SULF2: variants seen among roughly 807,000 people sequenced by gnomAD.
SULF2 encodes sulfatase 2, also known as extracellular sulfatase Sulf-2.
A neutral mutation model predicts 107.7 loss-of-function variants in SULF2; 52 were observed. The observed-to-expected ratio is 0.48, with a 90% CI of 0.39 to 0.61. The LOEUF is 0.61. SULF2 is among the 20% of genes least tolerant of loss of function. The pLI is 0.00. For missense variants in SULF2, 993 were observed against 1,177.3 expected, an observed-to-expected ratio of 0.84 and a Z score of 2.29; for synonymous variants, 460 against 464.3, an observed-to-expected ratio of 0.99 and a Z score of 0.12.
At chr20:47,715,773 G>A (rs2089098730) in intron 3 of SULF2, among the ~76,000 whole-genome samples, 1 of 152,114 alleles carries the variant, frequency 6.6e-6, no homozygotes, top group African/African-American at 2.4e-5. Flanking sequence ...GTAGAGACAG[G>A]GTTTCACCAT....
At chr20:47,733,794 T>A (rs2089670009) in intron 3 of SULF2, among the ~76,000 whole-genome samples, 2 of 152,136 alleles carry the variant, frequency 1.3e-5, no homozygotes. Flanking sequence ...AAAAGAGATG[T>A]AACATAACAG....
At chr20:47,712,547 C>T (rs1478711752) in intron 3 of SULF2, among the ~76,000 whole-genome samples, 4 of 152,210 alleles carry the variant, frequency 2.6e-5, no homozygotes, top group Non-Finnish European at 5.9e-5. Flanking sequence ...AGGCAGGAGC[C>T]GTGCTGCACT....
At chr20:47,723,537 G>A (rs1260652601) in intron 3 of SULF2, among the ~76,000 whole-genome samples, 3 of 152,206 alleles carry the variant, frequency 2.0e-5, no homozygotes, top group East Asian at 1.9e-4. Context: ...AGTGGCAGGC[G>A]AGTGAGCAAA....
chr20:47,673,807 C>T (rs1005900872), intron 10 of SULF2, among the ~76,000 whole-genome samples: 5 of 152,220 alleles, frequency 3.3e-5, no homozygotes, highest in Non-Finnish European at 5.9e-5. Context: ...ATCTGACTGT[C>T]GCCAGAGGGG....
chr20:47,757,122 G>T, intron 2 of SULF2, 67 bp downstream of exon 2: 2 of 1,401,402 alleles, frequency 1.4e-6, no homozygotes, highest in Non-Finnish European at 1.9e-6. Context: ...TGCCTCAGGA[G>T]CCTCAGCCTA....
intron 10 of SULF2, among the ~76,000 whole-genome samples, chr20:47,673,286 G>A (rs2087535480): frequency 6.6e-6 from 1 of 152,164 alleles, no homozygotes; most frequent in Non-Finnish European, 1.5e-5. Flanking sequence ...TGTTCCCTGT[G>A]TCTCTCCAGC....
intron 1 of SULF2, among the ~76,000 whole-genome samples, chr20:47,772,238 T>G (rs2090643959): frequency 6.6e-6 from 1 of 152,268 alleles, no homozygotes; most frequent in African/African-American, 2.4e-5. Flanking sequence ...TTGGCATTAC[T>G]GCCGCGTGGG....
chr20:47,688,459 C>T (rs2088086959), intron 5 of SULF2, among the ~76,000 whole-genome samples: 1 of 152,170 alleles, frequency 6.6e-6, no homozygotes, highest in Non-Finnish European at 1.5e-5. Context: ...CATGAAATTC[C>T]GGCACCGCTC....
Position 47,731,187 on chromosome 20 carries a change from CTTTTTTTTT to C in SULF2, c.415+5507_415+5515del, listed in dbSNP as rs71183273. The stretch of plus-strand genomic sequence containing the variant: ...TGCCTGCTACTCACCTGTATCTTCT[CTTTTTTTTT>C]TTTTTTTTTTTTTTGAGACAGAGTC... On this transcript the variant is annotated intron_variant, in intron 3 of 20. Coordinates refer to ENST00000688720, the MANE Select transcript of SULF2 (RefSeq NM_001387048.1). 1.1e-3 allele frequency among the ~76,000 whole-genome samples: 86 copies of C among 81,166 alleles called. 2 individuals carry two copies. Among genetic ancestry groups the C allele is most frequent in the African/African-American group, 4.3e-3 (69 of 16,076 alleles). The allele number at this position is 81,166 out of a possible 152,430, so 53.2% of individuals were successfully genotyped here.
At chr20:47,732,079 T>G (rs1169241896) in intron 3 of SULF2, among the ~76,000 whole-genome samples, 1 of 152,186 alleles carries the variant, frequency 6.6e-6, no homozygotes, top group Non-Finnish European at 1.5e-5. Flanking sequence ...TTTTAAAAAT[T>G]GAGAAGGGAT....
chr20:47,677,151 C>A lies in SULF2; in HGVS notation c.1194-17G>T. 1.2e-6 allele frequency: 2 copies of A among 1,613,530 alleles called. No homozygotes were observed. The highest frequency in any genetic ancestry group is 1.7e-5 in the Admixed American group (1 of 59,992). Reference sequence around the variant, plus strand: ...AAGTGAAACCTGGAAAAAAGCACGGCTCCTGCTTCTCAGCAACATGAGGGC... The same window carrying A: ...AAGTGAAACCTGGAAAAAAGCACGGATCCTGCTTCTCAGCAACATGAGGGC... On this transcript the variant is annotated splice_polypyrimidine_tract_variant and intron_variant, in intron 8 of 20. Transcript: ENST00000688720.
intron 7 of SULF2, 99 bp downstream of exon 7, chr20:47,682,895 T>C: frequency 6.4e-6 from 8 of 1,252,874 alleles, no homozygotes; most frequent in Non-Finnish European, 8.8e-6. Context: ...CTGCGAAAAC[T>C]GTGTGCCACC....
rs539213525 is a variant in SULF2, at chr20:47,727,198, C to A, written c.415+9505G>T. 2.1e-4 allele frequency among the ~76,000 whole-genome samples: 32 copies of A among 152,266 alleles called. No individual in the cohort carries two copies. In the East Asian group the frequency reaches 5.2e-3, roughly 25 times the overall value. ...AACATGGTGTTGTAAGATGAAGTTA[C>A]GCTGGATCAGAGCGGGCTCTAGTCC... On this transcript the variant is annotated intron_variant, in intron 3 of 20. Transcript: ENST00000688720.
intron 2 of SULF2, among the ~76,000 whole-genome samples, chr20:47,755,048 G>C (rs924879500): frequency 6.6e-6 from 1 of 152,054 alleles, no homozygotes; most frequent in African/African-American, 2.4e-5. Context: ...ATGTTGCCCA[G>C]GCTGGTCTCG....
At chr20:47,704,557 G>A (rs1283668177) in intron 3 of SULF2, among the ~76,000 whole-genome samples, 1 of 152,222 alleles carries the variant, frequency 6.6e-6, no homozygotes, top group African/African-American at 2.4e-5. Context: ...ACAGGCGAGA[G>A]CCACCGTGTC....
rs2087497128 is a variant in SULF2 at position 47,672,182 on chromosome 20, A to G, written c.1576+16T>C. The G allele has an allele frequency of 6.3e-7, 1 of 1,591,582 alleles. No individual in the cohort carries two copies. The highest frequency in any genetic ancestry group is 1.3e-5 in the African/African-American group (1 of 74,544). ...CTCTCTCCTCCTGTCCCACTCAGCC[A>G]GGTTGTGACACTTACTCTTCTTGAA... On this transcript the variant is annotated intron_variant, in intron 11 of 20. Transcript: ENST00000688720.
intron 3 of SULF2, among the ~76,000 whole-genome samples, chr20:47,707,762 C>A (rs181159857): frequency 7.2e-5 from 11 of 152,178 alleles, no homozygotes; most frequent in African/African-American, 2.7e-4. Context: ...CCTAAGCTAG[C>A]TTTGGAATAA....
chr20:47,768,951 G>A (rs1260684174), intron 1 of SULF2, among the ~76,000 whole-genome samples: 1 of 147,030 alleles, frequency 6.8e-6, no homozygotes, highest in Non-Finnish European at 1.5e-5. Context: ...CATGACCTTG[G>A]CTCACTGCAA....
At chr20:47,726,915 A>T (rs2089459539) in intron 3 of SULF2, among the ~76,000 whole-genome samples, 1 of 152,134 alleles carries the variant, frequency 6.6e-6, no homozygotes, top group Non-Finnish European at 1.5e-5. Context: ...CCTTGAGAGA[A>T]ACCATGGTTG....
Sources: allele counts gnomAD v4.1 joint callset (sites outside exome capture counted in the v4.1 genomes callset), GRCh38; gene constraint gnomAD v4.1.1; transcripts MANE v1.5; gene names NCBI Gene and HGNC (gene_info 2026-07-23, HGNC 2026-07-21).